The following EPB41L1 variants were observed in gnomAD, a reference collection of about 807,000 sequenced individuals.
EPB41L1 encodes band 4.1-like protein 1.
Under a neutral mutation model 97.8 loss-of-function variants are expected in EPB41L1, and 29 were observed. That is an observed-to-expected ratio of 0.30 (90% CI 0.22 to 0.40). EPB41L1 has a LOEUF of 0.40. EPB41L1 is among the 10% of genes least tolerant of loss of function. The pLI, the probability that EPB41L1 is intolerant of heterozygous loss-of-function variation, is 1.00. For synonymous variants in EPB41L1, 383 were observed against 459.2 expected (o/e 0.83, Z 2.12); for missense variants, 812 against 1,162.3 (o/e 0.70, Z 4.38).
At chr20:36,152,024 G>C (rs1208239116), upstream of EPB41L1, 1 of 151,964 alleles carries the variant, frequency 6.6e-6, no homozygotes, top group Non-Finnish European at 1.5e-5. Flanking sequence ...GGAGAATGGC[G>C]TGAACCCGAG....
intron 1 of EPB41L1, among the ~76,000 whole-genome samples, chr20:36,156,462 C>A (rs891133630): frequency 5.3e-5 from 8 of 152,186 alleles, no homozygotes; most frequent in African/African-American, 1.9e-4. Flanking sequence ...TGAACGGGGC[C>A]TAGAGAGTAA....
intron 14 of EPB41L1, among the ~76,000 whole-genome samples, chr20:36,203,675 C>T (rs762939801): frequency 2.6e-5 from 4 of 152,250 alleles, no homozygotes; most frequent in Non-Finnish European, 5.9e-5. Flanking sequence ...CAAAGCACGT[C>T]CCTTTGGGAT....
chr20:36,129,358 G>A (rs975725773), intron 2 of EPB41L1, among the ~76,000 whole-genome samples: 2 of 152,084 alleles, frequency 1.3e-5, no homozygotes, highest in African/African-American at 4.8e-5. Context: ...GCTTCTCCTG[G>A]GGGGAGCCTG....
At chr20:36,183,361 AGATAAGACAGATGTTCCTG>A (rs1210537379) in intron 6 of EPB41L1, among the ~76,000 whole-genome samples, 1 of 152,116 alleles carries the variant, frequency 6.6e-6, no homozygotes, top group African/African-American at 2.4e-5. Context: ...TGGCCTTGGG[AGATAAGACAGATGTTCCTG>A]GAACAGATCA....
intron 11 of EPB41L1, among the ~76,000 whole-genome samples, chr20:36,191,517 A>G (rs2061949297): frequency 1.3e-5 from 2 of 152,156 alleles, no homozygotes; most frequent in Admixed American, 6.5e-5. Flanking sequence ...AAGCACGAAA[A>G]TTCCCAGGTT....
intron 1 of EPB41L1, among the ~76,000 whole-genome samples, chr20:36,098,293 T>C (rs2057899157): frequency 6.6e-6 from 1 of 152,146 alleles, no homozygotes; most frequent in South Asian, 2.1e-4. Flanking sequence ...CTAGGTCTGC[T>C]ACTCAAAGGA....
At chr20:36,184,717 T>C (rs2061611445) in intron 6 of EPB41L1, among the ~76,000 whole-genome samples, 1 of 152,196 alleles carries the variant, frequency 6.6e-6, no homozygotes, top group Admixed American at 6.5e-5. Context: ...ACATTTCTGG[T>C]CATCAAGAGG....
intron 1 of EPB41L1, among the ~76,000 whole-genome samples, chr20:36,110,193 G>A (rs1249488839): frequency 1.3e-5 from 2 of 152,010 alleles, no homozygotes; most frequent in African/African-American, 2.4e-5. Flanking sequence ...CGCCCGCCTC[G>A]GCCTCCCAAA....
intron 14 of EPB41L1, among the ~76,000 whole-genome samples, chr20:36,203,034 G>A (rs1179060314): frequency 6.6e-6 from 1 of 152,148 alleles, no homozygotes; most frequent in African/African-American, 2.4e-5. Context: ...TCTGAGCAAG[G>A]CACCGACGGT....
chr20:36,194,174 G>T (rs759795227), intron 11 of EPB41L1, 38 bp from the exon 12 acceptor site: 2 of 1,612,084 alleles, frequency 1.2e-6, no homozygotes, highest in South Asian at 1.1e-5. Flanking sequence ...TCTGGGAGGG[G>T]TCTCACATGG....
At chr20:36,152,168 C>T (rs776539967), upstream of EPB41L1, 14 of 151,724 alleles carry the variant, frequency 9.2e-5, no homozygotes, top group Admixed American at 7.9e-4. Context: ...GCAGATGACA[C>T]ACAAAAGTAT....
intron 1 of EPB41L1, among the ~76,000 whole-genome samples, chr20:36,160,262 CA>C (rs778345306): frequency 2.6e-5 from 4 of 151,956 alleles, no homozygotes; most frequent in African/African-American, 4.8e-5. Context: ...GTTTTAATTA[CA>C]AAAAAAATTT....
At chr20:36,198,101 C>G in intron 14 of EPB41L1, 60 bp downstream of exon 14, 2 of 1,474,304 alleles carry the variant, frequency 1.4e-6, no homozygotes, top group Non-Finnish European at 1.9e-6. Flanking sequence ...TGGGTTGCTG[C>G]ATCCTGACTT....
At chr20:36,162,151 G>A (rs1356690141) in intron 1 of EPB41L1, among the ~76,000 whole-genome samples, 1 of 152,236 alleles carries the variant, frequency 6.6e-6, no homozygotes, top group East Asian at 1.9e-4. Flanking sequence ...AGGTCACCAA[G>A]CCTGTGGCAT....
intron 3 of EPB41L1, 114 bp downstream of exon 3, chr20:36,175,829 A>T: frequency 6.2e-6 from 7 of 1,121,902 alleles, no homozygotes; most frequent in Non-Finnish European, 9.2e-6. Context: ...TGGACCAGTC[A>T]CAGTGTCCAG....
At chr20:36,192,932 G>A (rs574873584) in intron 11 of EPB41L1, among the ~76,000 whole-genome samples, 26 of 152,310 alleles carry the variant, frequency 1.7e-4, no homozygotes, top group African/African-American at 6.0e-4. Context: ...CTGATACTTT[G>A]TCTGGTATAT....
Position 36,154,867 on chromosome 20 carries a change from C to T in EPB41L1, c.-44C>T. On this transcript the variant is annotated 5_prime_UTR_variant, in exon 1 of 22. Coordinates refer to ENST00000338074, the MANE Select transcript of EPB41L1 (RefSeq NM_012156.2). The surrounding 1 kb of genome is among the most constrained non-coding windows in gnomAD (Gnocchi z 5.5). ...GCCGAGGGGGCCGCCCCTCGCCCAA[C>T]CTGCCCGACATGGGGAACCCCGGGC... The T allele has an allele frequency of 9.8e-7, 1 of 1,017,086 alleles. No homozygotes were observed. Among genetic ancestry groups the T allele is most frequent in the Non-Finnish European group, 1.2e-6 (1 of 849,180 alleles). The allele number at this position is 1,017,086 out of a possible 1,614,324, so 63.0% of individuals were successfully genotyped here.
rs184233305 is a variant in EPB41L1 at position 36,218,994 on chromosome 20, A to C, written c.2355+32A>C. 2.3e-4 allele frequency: 372 copies of C among 1,604,918 alleles called. 2 individuals are homozygous for C. Among genetic ancestry groups the C allele is most frequent in the Middle Eastern group, 1.7e-4 (1 of 6,014 alleles). On this transcript the variant is annotated intron_variant, in intron 18 of 21. Coordinates refer to ENST00000338074, the MANE Select transcript of EPB41L1 (RefSeq NM_012156.2). ...GGGCAAGGCCAGCTCAGGCTAGGGG[A>C]CTCCACACTGAGAATATGGGCATGG...
chr20:36,107,726 G>T (rs1447178515), intron 1 of EPB41L1, among the ~76,000 whole-genome samples: 2 of 151,646 alleles, frequency 1.3e-5, no homozygotes, highest in Non-Finnish European at 2.9e-5. Flanking sequence ...CTACTCAGGA[G>T]GCTGAGGCAG....
Sources: allele counts gnomAD v4.1 joint callset (sites outside exome capture counted in the v4.1 genomes callset), GRCh38; gene constraint gnomAD v4.1.1; non-coding constraint Gnocchi (gnomAD v3.1); transcripts MANE v1.5; gene names NCBI Gene and HGNC (gene_info 2026-07-23, HGNC 2026-07-21).